AUTS2: variants seen among roughly 807,000 people sequenced by gnomAD.
AUTS2 encodes autism susceptibility gene 2 protein.
In AUTS2, 17 loss-of-function variants were observed where a neutral mutation model predicts 112.4. The ratio of observed to expected loss-of-function variants is 0.15; its 90% CI spans 0.10 to 0.23. The LOEUF is 0.23. Among genes scored for constraint, AUTS2 ranks in the 10% least tolerant of loss-of-function variants. AUTS2 has a pLI of 1.00. For missense variants in AUTS2, 1,510 were observed against 1,701.6 expected (o/e 0.89, Z 1.98); for synonymous variants, 751 against 702.7 (o/e 1.07, Z -1.09).
intron 10 of AUTS2, among the ~76,000 whole-genome samples, chr7:70,768,895 A>G (rs62456832): frequency 1.8e-5 from 1 of 54,240 alleles, no homozygotes; most frequent in Admixed American, 1.9e-4. Context: ...TTTTTTTTTA[A>G]TGAAACCAGA....
intron 2 of AUTS2, among the ~76,000 whole-genome samples, chr7:70,054,521 G>A (rs963525209): frequency 1.1e-4 from 16 of 152,140 alleles, no homozygotes; most frequent in Admixed American, 3.9e-4. Context: ...GGCATTCGCG[G>A]ATATGCAGTG....
intron 5 of AUTS2, among the ~76,000 whole-genome samples, chr7:70,560,490 G>A (rs1444874396): frequency 6.6e-6 from 1 of 152,192 alleles, no homozygotes; most frequent in Non-Finnish European, 1.5e-5. Flanking sequence ...TGTTGGAAAT[G>A]GAGTTTTAAA....
intron 1 of AUTS2, among the ~76,000 whole-genome samples, chr7:69,707,012 T>G (rs1798087710): frequency 6.6e-6 from 1 of 152,210 alleles, no homozygotes; most frequent in Admixed American, 6.5e-5. Context: ...CTGATGCTTC[T>G]CTTTTCTTGG....
At chr7:69,938,188 G>A (rs1796487767) in intron 2 of AUTS2, among the ~76,000 whole-genome samples, 1 of 152,172 alleles carries the variant, frequency 6.6e-6, no homozygotes, top group African/African-American at 2.4e-5. Context: ...ATTAGTCTAA[G>A]CATGAAAGAC....
At position 69,872,834 on chromosome 7, in the gene AUTS2, C is replaced by CTTTTTTTTTTT. The variant is rs1164356683; in HGVS notation, c.310-26436_310-26426dup. 4.7e-4 allele frequency among the ~76,000 whole-genome samples: 33 copies of CTTTTTTTTTTT among 70,422 alleles called. 4 individuals are homozygous for CTTTTTTTTTTT. The highest frequency in any genetic ancestry group is 1.3e-3 in the African/African-American group (21 of 16,056). 46.2% of individuals were successfully genotyped at this position (70,422 alleles called of 152,430 possible). On this transcript the variant is annotated intron_variant, in intron 1 of 18. Coordinates refer to ENST00000342771, the MANE Select transcript of AUTS2 (RefSeq NM_015570.4). The stretch of plus-strand genomic sequence containing the variant: ...GGTGGCACTTGATGTAGCCTATATT[C>CTTTTTTTTTTT]TTTTTTTTTTTTTTTTTTTTTTTTT...
intron 5 of AUTS2, among the ~76,000 whole-genome samples, chr7:70,497,052 A>C (rs1238203284): frequency 1.0e-5 from 1 of 99,038 alleles, no homozygotes; most frequent in Non-Finnish European, 2.0e-5. Context: ...ACATCACATC[A>C]GCGTCGATCA....
chr7:70,170,121 C>T (rs1021426189), intron 4 of AUTS2, among the ~76,000 whole-genome samples: 2 of 148,848 alleles, frequency 1.3e-5, no homozygotes, highest in Non-Finnish European at 3.0e-5. Context: ...CTTTGATCCA[C>T]TGTCTCTCAA....
chr7:70,307,561 A>C (rs981902355), intron 4 of AUTS2, among the ~76,000 whole-genome samples: 1 of 152,250 alleles, frequency 6.6e-6, no homozygotes, highest in African/African-American at 2.4e-5. Flanking sequence ...TTTACATACA[A>C]TAGCTGTAAA....
At chr7:70,646,647 G>A (rs567935887) in intron 5 of AUTS2, among the ~76,000 whole-genome samples, 3 of 152,216 alleles carry the variant, frequency 2.0e-5, no homozygotes, top group Non-Finnish European at 2.9e-5. Context: ...AAGCATCCCC[G>A]GAATGACTGA....
intron 4 of AUTS2, among the ~76,000 whole-genome samples, chr7:70,209,726 G>T (rs760773542): frequency 2.8e-4 from 42 of 152,026 alleles, no homozygotes; most frequent in Non-Finnish European, 5.0e-4. Flanking sequence ...AATATGATCA[G>T]GACAAATAAT....
At chr7:70,739,036 T>C (rs1269565861) in intron 6 of AUTS2, among the ~76,000 whole-genome samples, 3 of 87,824 alleles carry the variant, frequency 3.4e-5, no homozygotes, top group African/African-American at 1.0e-4. Flanking sequence ...TTTTTTTTTT[T>C]TGAGAGAGAG....
chr7:70,490,915 T>G (rs535545913), intron 5 of AUTS2, among the ~76,000 whole-genome samples: 287 of 152,350 alleles, frequency 1.9e-3, no homozygotes, highest in Non-Finnish European at 2.7e-3. Context: ...CAGAAGAAGC[T>G]TGCCAAAGCT....
At chr7:70,615,840 G>A (rs952195149) in intron 5 of AUTS2, among the ~76,000 whole-genome samples, 2 of 152,012 alleles carry the variant, frequency 1.3e-5, no homozygotes, top group African/African-American at 4.8e-5. Context: ...TCACCTCCCA[G>A]AATCAAGCGA....
At chr7:70,076,018 G>T (rs1803011164) in intron 2 of AUTS2, among the ~76,000 whole-genome samples, 2 of 152,198 alleles carry the variant, frequency 1.3e-5, no homozygotes, top group African/African-American at 4.8e-5. Flanking sequence ...TAAACAGATG[G>T]ATGTGGATGT....
chr7:70,629,512 C>T (rs1464042460), intron 5 of AUTS2, among the ~76,000 whole-genome samples: 1 of 151,984 alleles, frequency 6.6e-6, no homozygotes, highest in Admixed American at 6.6e-5. Context: ...AGCTAAAAGC[C>T]AGCCCTTCTG....
intron 1 of AUTS2, among the ~76,000 whole-genome samples, chr7:69,642,863 A>G (rs1285286602): frequency 6.6e-6 from 1 of 152,246 alleles, no homozygotes; most frequent in African/African-American, 2.4e-5. Flanking sequence ...ATATATAACA[A>G]CATTACCACA....
intron 1 of AUTS2, among the ~76,000 whole-genome samples, chr7:69,735,451 G>C (rs1316411602): frequency 6.6e-6 from 1 of 152,174 alleles, no homozygotes; most frequent in Non-Finnish European, 1.5e-5. Context: ...TTTAACAGAA[G>C]GGACCAACAT....
chr7:70,052,736 G>C (rs1434303458), intron 2 of AUTS2, among the ~76,000 whole-genome samples: 1 of 152,300 alleles, frequency 6.6e-6, no homozygotes, highest in Admixed American at 6.5e-5. Flanking sequence ...TCTGTAGGCT[G>C]TCTGCAAACT....
At chr7:70,410,817 G>A (rs1370805591) in intron 4 of AUTS2, among the ~76,000 whole-genome samples, 1 of 151,188 alleles carries the variant, frequency 6.6e-6, no homozygotes, top group Non-Finnish European at 1.5e-5. Flanking sequence ...TACATATGAA[G>A]GAACTAAGGA....
Sources: gnomAD v4.1 joint callset for allele counts (sites outside exome capture counted in the v4.1 genomes callset) on GRCh38, gnomAD v4.1.1 for gene constraint, MANE v1.5 for transcripts, NCBI Gene and HGNC (gene_info 2026-07-23, HGNC 2026-07-21) for gene names.